The following PDE4D variants were observed in gnomAD, a reference collection of about 807,000 sequenced individuals.
PDE4D encodes 3',5'-cyclic-AMP phosphodiesterase 4D.
In PDE4D, 24 loss-of-function variants were observed where a neutral mutation model predicts 87.4. The observed-to-expected ratio is 0.27, with a 90% CI of 0.20 to 0.39. The LOEUF (loss-of-function observed/expected upper bound fraction) is 0.39. Among genes scored for constraint, PDE4D ranks in the 10% least tolerant of loss-of-function variants. The pLI is 1.00. For synonymous variants in PDE4D, 384 were observed against 383.2 expected (o/e 1.00, Z -0.02); for missense variants, 714 against 1,041.0 (o/e 0.69, Z 4.32).
At chr5:59,938,365 A>G (rs1034537365) in intron 3 of PDE4D, among the ~76,000 whole-genome samples, 2 of 152,198 alleles carry the variant, frequency 1.3e-5, no homozygotes, top group African/African-American at 4.8e-5. Context: ...ATGGGCTGAA[A>G]AGAGGGATTA....
intron 1 of PDE4D, among the ~76,000 whole-genome samples, chr5:60,480,025 C>T (rs1748607984): frequency 6.6e-6 from 1 of 152,144 alleles, no homozygotes; most frequent in African/African-American, 2.4e-5. Flanking sequence ...CTTAGAACAT[C>T]GCCAGAGGGC....
chr5:59,337,378 C>A (rs1777887098), intron 1 of PDE4D, among the ~76,000 whole-genome samples: 1 of 137,402 alleles, frequency 7.3e-6, no homozygotes, highest in Admixed American at 7.6e-5. Context: ...GTCGCCCAGG[C>A]TGGAGGGCAG....
intron 1 of PDE4D, among the ~76,000 whole-genome samples, chr5:59,695,605 T>A (rs1296055867): frequency 6.6e-6 from 1 of 152,032 alleles, no homozygotes; most frequent in South Asian, 2.1e-4. Context: ...TTTGATTTTA[T>A]TCTATTTTTT....
chr5:60,188,570 C>T (rs879012643), intron 1 of PDE4D, among the ~76,000 whole-genome samples: 1 of 152,016 alleles, frequency 6.6e-6, no homozygotes, highest in Admixed American at 6.6e-5. Context: ...GGGTTCAAAG[C>T]CCCCCAAGGT....
intron 5 of PDE4D, among the ~76,000 whole-genome samples, chr5:59,054,014 A>T (rs778684661): frequency 6.6e-6 from 1 of 152,160 alleles, no homozygotes; most frequent in Non-Finnish European, 1.5e-5. Context: ...TAATTTATTC[A>T]ATGAATAAAT....
rs1009836062 is a variant in PDE4D, at chr5:59,117,845, G to A, written c.808+62750C>T. On this transcript the variant is annotated intron_variant, in intron 5 of 14. Coordinates refer to ENST00000340635, the MANE Select transcript of PDE4D (RefSeq NM_001104631.2). Reference sequence around the variant, plus strand: ...TTTGTGAGGGGTGGTGGGATGGTGAGAAAAGGAGGAAGGAGAACTGGCTTG... The same window carrying A: ...TTTGTGAGGGGTGGTGGGATGGTGAAAAAAGGAGGAAGGAGAACTGGCTTG... Among the ~76,000 whole-genome samples, 4 of 150,300 alleles carry A rather than the reference G, an allele frequency of 2.7e-5. No homozygotes were observed. The East Asian group carries it at 7.8e-4, about 29-fold the overall frequency.
intron 1 of PDE4D, among the ~76,000 whole-genome samples, chr5:60,504,648 C>T (rs1415021451): frequency 6.6e-6 from 1 of 152,178 alleles, no homozygotes; most frequent in Non-Finnish European, 1.5e-5. Context: ...CAGTAAGCTC[C>T]AAGCTTAGGT....
intron 1 of PDE4D, among the ~76,000 whole-genome samples, chr5:59,381,059 C>G (rs1294481201): frequency 1.3e-5 from 2 of 152,098 alleles, no homozygotes; most frequent in Admixed American, 1.3e-4. Flanking sequence ...GACCCTGGAG[C>G]TAGAGCTCTG....
At position 60,342,694 on chromosome 5, in the gene PDE4D, T is replaced by C. The variant is rs568778065; in HGVS notation, c.-90+145248A>G. On this transcript the variant is annotated intron_variant, in intron 1 of 16. Coordinates refer to the PDE4D transcript ENST00000502484. Reference sequence around the variant, plus strand: ...GAGAATAGGATAATCGGAAAACCAATGAAAAAAAAAAGACTGACAATATTC... The same window carrying C: ...GAGAATAGGATAATCGGAAAACCAACGAAAAAAAAAAGACTGACAATATTC... Among the ~76,000 whole-genome samples, 979 of 120,708 alleles carry C rather than the reference T, an allele frequency of 8.1e-3. 7 individuals are homozygous for C. The highest frequency in any genetic ancestry group is 0.041 in the African/African-American group (943 of 23,084). 79.2% of individuals were successfully genotyped at this position (120,708 alleles called of 152,430 possible).
At chr5:59,085,471 A>C (rs1191432693) in intron 5 of PDE4D, among the ~76,000 whole-genome samples, 2 of 152,118 alleles carry the variant, frequency 1.3e-5, no homozygotes, top group African/African-American at 4.8e-5. Context: ...TGCTATAGCC[A>C]CTCAATAAAT....
chr5:60,510,831 C>A (rs1234945678), intron 1 of PDE4D, among the ~76,000 whole-genome samples: 1 of 152,192 alleles, frequency 6.6e-6, no homozygotes, highest in African/African-American at 2.4e-5. Flanking sequence ...AAAACCCAGA[C>A]AAGTGATACT....
chr5:59,162,974 T>G (rs1343607773), intron 5 of PDE4D, among the ~76,000 whole-genome samples: 1 of 151,856 alleles, frequency 6.6e-6, no homozygotes, highest in Non-Finnish European at 1.5e-5. Flanking sequence ...GGCAGAGTCT[T>G]GCTCTGTCAC....
chr5:59,381,935 G>C (rs1187780428), intron 1 of PDE4D, among the ~76,000 whole-genome samples: 1 of 152,108 alleles, frequency 6.6e-6, no homozygotes, highest in Non-Finnish European at 1.5e-5. Context: ...TAGGGGCTTA[G>C]AAAAGTGAAT....
At chr5:59,573,578 C>T in intron 1 of PDE4D, among the ~76,000 whole-genome samples, 1 of 152,138 alleles carries the variant, frequency 6.6e-6, no homozygotes, top group East Asian at 1.9e-4. Context: ...CCATCATTCT[C>T]ATTGGCTCTT....
intron 1 of PDE4D, among the ~76,000 whole-genome samples, chr5:59,769,823 G>A (rs1414830492): frequency 1.5e-5 from 2 of 137,522 alleles, no homozygotes; most frequent in Admixed American, 1.5e-4. Context: ...AACTTAGGGA[G>A]CTACAAAATG....
At chr5:59,876,091 T>C (rs191568100) in intron 1 of PDE4D, among the ~76,000 whole-genome samples, 2 of 152,292 alleles carry the variant, frequency 1.3e-5, no homozygotes, top group East Asian at 3.9e-4. Flanking sequence ...CAAACCTGCA[T>C]ATCCTGCACA....
At chr5:60,396,541 G>C (rs1762895549) in intron 1 of PDE4D, among the ~76,000 whole-genome samples, 2 of 151,860 alleles carry the variant, frequency 1.3e-5, no homozygotes, top group South Asian at 4.2e-4. Context: ...TTAGAGACAG[G>C]GTCTTGCTCT....
At chr5:59,063,941 G>A (rs1398117350) in intron 5 of PDE4D, among the ~76,000 whole-genome samples, 1 of 152,108 alleles carries the variant, frequency 6.6e-6, no homozygotes, top group Non-Finnish European at 1.5e-5. Context: ...AATATACAGA[G>A]AGCAGTGAGG....
intron 1 of PDE4D, among the ~76,000 whole-genome samples, chr5:59,707,255 T>C (rs534973279): frequency 6.6e-6 from 1 of 152,310 alleles, no homozygotes; most frequent in South Asian, 2.1e-4. Flanking sequence ...AGTGGATTGA[T>C]TTTTATAACT....
Sources: gnomAD v4.1 joint callset for allele counts (sites outside exome capture counted in the v4.1 genomes callset) on GRCh38, gnomAD v4.1.1 for gene constraint, MANE v1.5 for transcripts, NCBI Gene and HGNC (gene_info 2026-07-23, HGNC 2026-07-21) for gene names.